CLSTN2: variants seen among roughly 807,000 people sequenced by gnomAD.
CLSTN2 encodes the protein calsyntenin-2.
CLSTN2 carries 48 observed loss-of-function variants against 101.2 expected under a neutral mutation model. The observed-to-expected ratio is 0.47, with a 90% confidence interval of 0.38 to 0.60. The LOEUF is 0.60. Among genes scored for constraint, CLSTN2 ranks in the 20% least tolerant of loss-of-function variants. CLSTN2 has a pLI of 0.00. For missense variants in CLSTN2, 1,160 were observed against 1,238.2 expected (o/e 0.94, Z 0.95); for synonymous variants, 481 against 463.6 (o/e 1.04, Z -0.48).
chr3:140,283,641 G>T (rs1230434805), intron 2 of CLSTN2, among the ~76,000 whole-genome samples: 1 of 152,142 alleles, frequency 6.6e-6, no homozygotes, highest in Non-Finnish European at 1.5e-5. Context: ...CAGGGTCTTG[G>T]CTATTATTTC....
At chr3:139,992,142 G>A (rs1328036659) in intron 1 of CLSTN2, among the ~76,000 whole-genome samples, 1 of 152,172 alleles carries the variant, frequency 6.6e-6, no homozygotes, top group Non-Finnish European at 1.5e-5. Context: ...TGGGAAGAAG[G>A]TATCCTTGTA....
intron 1 of CLSTN2, among the ~76,000 whole-genome samples, chr3:140,155,188 G>C (rs1560111489): frequency 6.6e-6 from 1 of 152,206 alleles, no homozygotes; most frequent in Non-Finnish European, 1.5e-5. Flanking sequence ...TGAATGGATA[G>C]AGGTAAACTA....
intron 1 of CLSTN2, among the ~76,000 whole-genome samples, chr3:139,953,085 T>C (rs902908836): frequency 1.3e-5 from 2 of 152,168 alleles, no homozygotes; most frequent in Non-Finnish European, 2.9e-5. Flanking sequence ...GGCTTAGAAT[T>C]TGGGGCTTCC....
chr3:140,322,273 C>T (rs916673676), intron 2 of CLSTN2, among the ~76,000 whole-genome samples: 5 of 152,238 alleles, frequency 3.3e-5, no homozygotes, highest in African/African-American at 1.2e-4. Flanking sequence ...TGGAAACCAA[C>T]ACAGAGTTAT....
chr3:140,242,633 C>A (rs114461886), intron 2 of CLSTN2, among the ~76,000 whole-genome samples: 2,776 of 152,288 alleles, frequency 0.018, 83 homozygotes, highest in African/African-American at 0.063. Flanking sequence ...TTTTGACACT[C>A]AGCCATCACC....
chr3:140,416,964 C>G (rs2088438404), intron 4 of CLSTN2, among the ~76,000 whole-genome samples: 1 of 152,158 alleles, frequency 6.6e-6, no homozygotes, highest in Non-Finnish European at 1.5e-5. Context: ...AATGAAAATG[C>G]TTATTTCCCA....
intron 2 of CLSTN2, among the ~76,000 whole-genome samples, chr3:140,347,617 C>A (rs2087562042): frequency 6.6e-6 from 1 of 152,206 alleles, no homozygotes; most frequent in Admixed American, 6.5e-5. Context: ...GCCATCCTAG[C>A]AAATATACTT....
At chr3:140,014,721 G>A (rs964538855) in intron 1 of CLSTN2, among the ~76,000 whole-genome samples, 1 of 152,190 alleles carries the variant, frequency 6.6e-6, no homozygotes, top group Non-Finnish European at 1.5e-5. Flanking sequence ...AGAAGAGTGA[G>A]GAATAGGGAG....
intron 2 of CLSTN2, among the ~76,000 whole-genome samples, chr3:140,257,036 C>A (rs1401913448): frequency 6.6e-6 from 1 of 152,130 alleles, no homozygotes; most frequent in Non-Finnish European, 1.5e-5. Context: ...CGCTTGTAAT[C>A]CCAGCACTTT....
intron 8 of CLSTN2, among the ~76,000 whole-genome samples, chr3:140,480,278 T>A (rs1934085895): frequency 1.3e-5 from 2 of 152,204 alleles, no homozygotes; most frequent in African/African-American, 4.8e-5. Flanking sequence ...CATGAACTCA[T>A]CATTTTTTAT....
rs1158304173 is a variant in CLSTN2, at chr3:140,040,966, G to A, written c.109+105483G>A. Among the ~76,000 whole-genome samples the A allele has an allele frequency of 2.0e-5, 3 of 152,078 alleles. No homozygotes were observed. The East Asian group carries it at 5.8e-4, about 29-fold the overall frequency. ...TCTTTGACATCCAACTCATGCTGCC[G>A]ATGGCAGTGATAAATGAAGGAAATA... On this transcript the variant is annotated intron_variant, in intron 1 of 16. Coordinates refer to ENST00000458420, the MANE Select transcript of CLSTN2 (RefSeq NM_022131.3).
intron 8 of CLSTN2, among the ~76,000 whole-genome samples, chr3:140,501,072 G>A (rs2107762322): frequency 6.6e-6 from 1 of 152,252 alleles, no homozygotes; most frequent in East Asian, 1.9e-4. Context: ...TCTTGCTGTT[G>A]AGAGAGCCAG....
intron 2 of CLSTN2, among the ~76,000 whole-genome samples, chr3:140,388,941 G>GT (rs150864976): frequency 0.036 from 5,427 of 152,158 alleles, 163 homozygotes; most frequent in African/African-American, 0.087. Flanking sequence ...TTGGCAAACT[G>GT]TTTTTTGCAT....
chr3:140,552,387 G>A (rs1559902393), intron 10 of CLSTN2, among the ~76,000 whole-genome samples: 1 of 138,480 alleles, frequency 7.2e-6, no homozygotes, highest in African/African-American at 2.7e-5. Context: ...CACAGAGCTG[G>A]GAATACCGCA....
intron 1 of CLSTN2, among the ~76,000 whole-genome samples, chr3:140,025,312 TG>T: frequency 6.6e-6 from 1 of 152,336 alleles, no homozygotes; most frequent in South Asian, 2.1e-4. Flanking sequence ...ACAGAAATGA[TG>T]GAAGTTCAGA....
At chr3:139,999,198 A>G (rs1157902797) in intron 1 of CLSTN2, among the ~76,000 whole-genome samples, 1 of 152,114 alleles carries the variant, frequency 6.6e-6, no homozygotes, top group African/African-American at 2.4e-5. Flanking sequence ...TTTATTTTAG[A>G]TACAGGGGGT....
intron 11 of CLSTN2, 173 bp downstream of exon 11, chr3:140,556,834 C>G: frequency 1.6e-6 from 1 of 616,950 alleles, no homozygotes; most frequent in Non-Finnish European, 2.8e-6. Context: ...TGTTTTCTTC[C>G]TAAGCAAGAT....
chr3:140,146,341 G>GA (rs2009780772), intron 1 of CLSTN2, among the ~76,000 whole-genome samples: 1 of 152,206 alleles, frequency 6.6e-6, no homozygotes, highest in South Asian at 2.1e-4. Flanking sequence ...TTTTTCTTAG[G>GA]AAAAGGATAT....
intron 2 of CLSTN2, among the ~76,000 whole-genome samples, chr3:140,323,024 T>C (rs935823357): frequency 3.9e-5 from 6 of 152,260 alleles, no homozygotes; most frequent in African/African-American, 1.4e-4. Context: ...TTTGTAATTC[T>C]TTCTCTGATG....
Sources: allele counts gnomAD v4.1 joint callset (sites outside exome capture counted in the v4.1 genomes callset), GRCh38; gene constraint gnomAD v4.1.1; transcripts MANE v1.5; gene names NCBI Gene and HGNC (gene_info 2026-07-23, HGNC 2026-07-21).